The following FAAH2 variants were observed in gnomAD, a reference collection of about 807,000 sequenced individuals.
The protein encoded by FAAH2 is fatty-acid amide hydrolase 2.
Under a neutral mutation model 36.9 loss-of-function variants are expected in FAAH2, and 60 were observed. That is an observed-to-expected ratio of 1.63 (90% CI 1.32 to 2.02). The LOEUF (loss-of-function observed/expected upper bound fraction) is 2.02. FAAH2 is among the 30% of genes most tolerant of loss of function. The probability of loss-of-function intolerance (pLI) is 0.00; values close to 1 mark genes in which losing one functional copy is unlikely to be tolerated. For synonymous variants in FAAH2, 214 were observed against 143.8 expected (o/e 1.49, Z -3.49); for missense variants, 689 against 397.5 (o/e 1.73, Z -6.23).
At chrX:57,347,878 A>G (rs1322973472) in intron 5 of FAAH2, among the ~76,000 whole-genome samples, 2 of 109,976 alleles carry the variant, frequency 1.8e-5, no homozygotes, top group Non-Finnish European at 3.8e-5. Context: ...GCTGTAATCT[A>G]GTAAATGGCA....
At chrX:57,226,713 A>G in the FAAH2 span, among the ~76,000 whole-genome samples, 3 of 112,071 alleles carry the variant, frequency 2.7e-5, no homozygotes, top group African/African-American at 9.7e-5. Flanking sequence ...AAGGCTGGGA[A>G]AGTTTTCCTT....
chrX:57,399,100 CATTTGAAGAATG>C (rs1474114250), intron 7 of FAAH2, among the ~76,000 whole-genome samples: 1 of 111,398 alleles, frequency 9.0e-6, no homozygotes, highest in Non-Finnish European at 1.9e-5. Flanking sequence ...ACTGGGGCTC[CATTTGAAGAATG>C]ATTTGTAGTT....
At chrX:57,349,996 A>T (rs1458522710) in intron 5 of FAAH2, among the ~76,000 whole-genome samples, 1 of 110,866 alleles carries the variant, frequency 9.0e-6, no homozygotes, top group Non-Finnish European at 1.9e-5. Flanking sequence ...TGATTTTTAA[A>T]AACAGCAAGA....
rs138962592 is a variant in FAAH2, at chrX:57,380,978, C to A, written c.945C>A (p.Gly315=). 63 of 1,197,820 alleles carry A rather than the reference C, an allele frequency of 5.3e-5. 1 individual carries two copies. The South Asian group carries it at 1.1e-3, about 21-fold the overall frequency. Residue 315 remains glycine (G), a synonymous_variant, in exon 7 of 11, where the codon GGC becomes GGA. Coordinates refer to ENST00000374900, the MANE Select transcript of FAAH2 (RefSeq NM_174912.4). ...LKFYWMEHDG[G]SFLMSKVDQD... is the part of the protein sequence containing the mutation. ...TTTACTGGATGGAACATGATGGAGGCTCATTTTTAATGTCCAAAGTGGACC... is the reference window on the plus strand; with the variant it reads ...TTTACTGGATGGAACATGATGGAGGATCATTTTTAATGTCCAAAGTGGACC...
Position 57,380,913 on chromosome X carries a change from T to A in FAAH2, c.880T>A (p.Leu294Ile). The A allele has an allele frequency of 8.7e-7, 1 of 1,153,495 alleles. No individual in the cohort carries two copies. Among genetic ancestry groups the A allele is most frequent in the East Asian group, 3.0e-5 (1 of 33,245 alleles). ...KVMAGPGIKR[L>I]KLDTKVHLKD... Reference sequence around the variant, plus strand: ...CAGTTTCTTTTTAATCCTACACAGGTTAAAACTAGACACAAAGGTACATTT... The same window carrying A: ...CAGTTTCTTTTTAATCCTACACAGGATAAAACTAGACACAAAGGTACATTT... The change falls in exon 7 of 11, where the codon TTA (leucine) becomes ATA (isoleucine). Residue 294 changes from leucine (L) to isoleucine (I), a missense_variant and splice_region_variant. Physicochemically the swap from Leu to Ile is conservative, Grantham distance 5 (BLOSUM62 2). Coordinates refer to ENST00000374900, the MANE Select transcript of FAAH2 (RefSeq NM_174912.4).
intron 3 of FAAH2, among the ~76,000 whole-genome samples, chrX:57,315,317 C>T (rs2052805628): frequency 9.0e-6 from 1 of 110,803 alleles, no homozygotes; most frequent in South Asian, 3.8e-4. Context: ...CAGCCAAATT[C>T]TACCAGACAT....
chrX:57,332,402 A>G (rs2053433715), intron 4 of FAAH2, among the ~76,000 whole-genome samples: 1 of 112,344 alleles, frequency 8.9e-6, no homozygotes, highest in Non-Finnish European at 1.9e-5. Flanking sequence ...AATTCACACA[A>G]TAAGAACAAA....
chrX:57,296,197 C>T (rs549278608), intron 2 of FAAH2, among the ~76,000 whole-genome samples: 6 of 112,098 alleles, frequency 5.4e-5, no homozygotes, highest in South Asian at 3.8e-4. Context: ...CTGGGAGGCA[C>T]CCCTCAGTAG....
chrX:57,345,253 C>T (rs1399063404), intron 5 of FAAH2, among the ~76,000 whole-genome samples: 1 of 108,292 alleles, frequency 9.2e-6, no homozygotes, highest in Non-Finnish European at 1.9e-5. Context: ...GCTGTGAATC[C>T]ATCTGGTCGA....
chrX:57,250,630 A>AT, the FAAH2 span, among the ~76,000 whole-genome samples: 1 of 110,776 alleles, frequency 9.0e-6, no homozygotes, highest in African/African-American at 3.3e-5. Context: ...AATATATATA[A>AT]TTTTTGTCTA....
the FAAH2 span, among the ~76,000 whole-genome samples, chrX:57,176,124 G>A: frequency 2.6e-4 from 29 of 111,480 alleles, no homozygotes; most frequent in Non-Finnish European, 5.1e-4. Context: ...TGTATCTCTA[G>A]CAAGACCAAG....
At chrX:57,324,922 T>C (rs1236515564) in intron 3 of FAAH2, among the ~76,000 whole-genome samples, 2 of 112,253 alleles carry the variant, frequency 1.8e-5, no homozygotes, top group African/African-American at 6.5e-5. Flanking sequence ...TGTGCCAGTT[T>C]CCAAAGGGAA....
chrX:57,446,775 T>A (rs1466474337), intron 8 of FAAH2, among the ~76,000 whole-genome samples, 153 bp from the exon 9 acceptor site: 2 of 112,443 alleles, frequency 1.8e-5, no homozygotes. Context: ...GACTGAGTAA[T>A]ATTTTATCAA....
chrX:57,362,478 G>A (rs1367513558), intron 5 of FAAH2, among the ~76,000 whole-genome samples: 1 of 111,595 alleles, frequency 9.0e-6, no homozygotes, highest in Admixed American at 9.5e-5. Context: ...TTCTGCACAT[G>A]TATCCCAGAA....
At chrX:57,321,044 G>A (rs1039663861) in intron 3 of FAAH2, among the ~76,000 whole-genome samples, 1 of 110,335 alleles carries the variant, frequency 9.1e-6, no homozygotes. Flanking sequence ...GGAGGCTGAG[G>A]CAGGAGAATG....
the FAAH2 span, among the ~76,000 whole-genome samples, chrX:57,237,788 A>T: frequency 3.6e-5 from 4 of 111,091 alleles, no homozygotes; most frequent in African/African-American, 1.3e-4. Flanking sequence ...TAAGAAACTT[A>T]AAAAAAATCT....
At chrX:57,488,735 T>A in intron 10 of FAAH2, 22 bp from the exon 11 acceptor site, 1 of 1,205,067 alleles carries the variant, frequency 8.3e-7, no homozygotes, top group African/African-American at 1.7e-5. Flanking sequence ...GATTTCTCAC[T>A]TATTTTGTTT....
intron 4 of FAAH2, among the ~76,000 whole-genome samples, chrX:57,339,038 A>G (rs1024343619): frequency 1.8e-5 from 2 of 111,775 alleles, no homozygotes; most frequent in African/African-American, 3.3e-5. Flanking sequence ...AGTAACCAAA[A>G]CAGCATGGTA....
At position 57,442,096 on chromosome X, in the gene FAAH2, G is replaced by T. The variant is rs781530794; in HGVS notation, c.1117-4832G>T. On this transcript the variant is annotated intron_variant, in intron 8 of 10. Transcript: ENST00000374900. ...ATAATGTATATTCTGTTGATTTGGG[G>T]TGGAGAGTTCTGTAGATGTCTATTA... Among the ~76,000 whole-genome samples, 8 of 111,641 alleles carry T rather than the reference G, an allele frequency of 7.2e-5. No individual in the cohort carries two copies. The East Asian group carries it at 2.2e-3, about 31-fold the overall frequency.
Sources: gnomAD v4.1 joint callset for allele counts (sites outside exome capture counted in the v4.1 genomes callset) on GRCh38, gnomAD v4.1.1 for gene constraint, MANE v1.5 for transcripts, NCBI Gene and HGNC (gene_info 2026-07-23, HGNC 2026-07-21) for gene names.